RPRD1B: variants seen among roughly 807,000 people sequenced by gnomAD.
RPRD1B encodes regulation of nuclear pre-mRNA domain-containing protein 1B.
In RPRD1B, 11 loss-of-function variants were observed where a neutral mutation model predicts 41.5. That is an observed-to-expected ratio of 0.27 (90% confidence interval 0.17 to 0.44). The LOEUF is 0.44. Among genes scored for constraint, RPRD1B ranks in the 20% least tolerant of loss-of-function variants. The probability of loss-of-function intolerance (pLI) is 1.00; values close to 1 mark genes in which losing one functional copy is unlikely to be tolerated. For missense variants in RPRD1B, 248 were observed against 389.9 expected (o/e 0.64, Z 3.06); for synonymous variants, 158 against 155.6 (o/e 1.02, Z -0.12).
At chr20:38,044,963 A>G (rs2074106652) in intron 2 of RPRD1B, among the ~76,000 whole-genome samples, 1 of 152,208 alleles carries the variant, frequency 6.6e-6, no homozygotes, top group African/African-American at 2.4e-5. Flanking sequence ...GTACTGAAAA[A>G]GTGCCATAGA....
intron 6 of RPRD1B, among the ~76,000 whole-genome samples, chr20:38,088,821 A>G (rs1175086156): frequency 6.6e-6 from 1 of 152,184 alleles, no homozygotes; most frequent in Non-Finnish European, 1.5e-5. Flanking sequence ...GAGCAGGAGG[A>G]GATGCGGAGT....
intron 3 of RPRD1B, among the ~76,000 whole-genome samples, chr20:38,052,282 G>A (rs79894904): frequency 0.013 from 1,940 of 152,270 alleles, 40 homozygotes; most frequent in African/African-American, 0.044. Context: ...TGAACTGGTC[G>A]CAAAAGTAAG....
In RPRD1B at chr20:38,091,723, G is replaced by T. The variant is rs1004047763; in HGVS notation, c.*1848G>T. The T allele has an allele frequency of 1.0e-6, 1 of 985,662 alleles. No homozygotes were observed. The highest frequency in any genetic ancestry group is 1.2e-6 in the Non-Finnish European group (1 of 829,930). 61.1% of individuals were successfully genotyped at this position (985,662 alleles called of 1,614,324 possible). On this transcript the variant is annotated 3_prime_UTR_variant, in exon 7 of 7. Coordinates refer to ENST00000373433, the MANE Select transcript of RPRD1B (RefSeq NM_021215.4). The stretch of plus-strand genomic sequence containing the variant: ...CTCTATGCTTTCACCAAGGAAGTGC[G>T]ATCTGAGCAGCCACAATCCAGCCAA...
Position 38,078,566 on chromosome 20 carries a change from G to A in RPRD1B, c.832-11160G>A, listed in dbSNP as rs143609180. Among the ~76,000 whole-genome samples, 1,267 of 151,894 alleles carry A rather than the reference G, an allele frequency of 8.3e-3. 11 individuals are homozygous for A. Among genetic ancestry groups the A allele is most frequent in the African/African-American group, 0.025 (1,039 of 41,404 alleles). On this transcript the variant is annotated intron_variant, in intron 6 of 6. Coordinates refer to ENST00000373433, the MANE Select transcript of RPRD1B (RefSeq NM_021215.4). ...TTGTGGATTATTGCCAGACCATAAA[G>A]TTCTGTCTGTATTGTCACTCAGGCA...
At chr20:38,060,752 A>C (rs1169918161) in intron 5 of RPRD1B, among the ~76,000 whole-genome samples, 1 of 151,934 alleles carries the variant, frequency 6.6e-6, no homozygotes, top group Non-Finnish European at 1.5e-5. Context: ...CACCCCAGGA[A>C]TTCACCCCAC....
Position 38,034,104 on chromosome 20 carries a change from C to A in RPRD1B, c.151+6C>A. On this transcript the variant is annotated splice_donor_region_variant and intron_variant, in intron 1 of 6. Transcript: ENST00000373433. ...GCACCGCGAGCTCCGCAAAGGTAAA[C>A]ACCAAATCCCCACCCCCTGGACGGT... 6.2e-7 allele frequency: 1 copy of A among 1,611,642 alleles called. No homozygotes were observed. The highest frequency in any genetic ancestry group is 1.1e-5 in the South Asian group (1 of 90,720).
At chr20:38,074,573 G>C (rs1193165128) in intron 6 of RPRD1B, among the ~76,000 whole-genome samples, 2 of 152,174 alleles carry the variant, frequency 1.3e-5, no homozygotes, top group African/African-American at 2.4e-5. Context: ...ACTTCTGTGG[G>C]CAGTGTAACC....
Position 38,090,044 on chromosome 20 carries a change from C to A in RPRD1B, c.*169C>A, listed in dbSNP as rs995229434. The A allele has an allele frequency of 6.3e-6, 9 of 1,424,078 alleles. No homozygotes were observed. In the African/African-American group the frequency reaches 1.3e-4, roughly 20 times the overall value. 88.2% of individuals were successfully genotyped at this position (1,424,078 alleles called of 1,614,324 possible). On this transcript the variant is annotated 3_prime_UTR_variant, in exon 7 of 7. Transcript: ENST00000373433. ...CTCCTCTTCAGCCTCTCATCTTGAG[C>A]ACAGTTCAGAACAGTGGCGACTGGA... is the stretch of plus-strand genomic sequence containing the variant.
At chr20:38,048,568 A>T in intron 3 of RPRD1B, 87 bp downstream of exon 3, 1 of 1,500,772 alleles carries the variant, frequency 6.7e-7, no homozygotes, top group East Asian at 2.3e-5. Flanking sequence ...TTTGCTGTGA[A>T]CCACCAGCGA....
chr20:38,091,566 A>G lies in RPRD1B; in HGVS notation c.*1691A>G, dbSNP rs948273161. 1 of 985,374 alleles carries G rather than the reference A, an allele frequency of 1.0e-6. No individual in the cohort carries two copies. The highest frequency in any genetic ancestry group is 1.2e-6 in the Non-Finnish European group (1 of 829,954). The allele number at this position is 985,374 out of a possible 1,614,324, so 61.0% of individuals were successfully genotyped here. A position where few individuals can be genotyped will look rare whatever the true frequency, so the allele number is the denominator to read the frequency against. The stretch of plus-strand genomic sequence containing the variant: ...CTATAAGGTTTTTCTTCCAGAGGCC[A>G]TAGGTGACATCACTAAAATTGCAAG... On this transcript the variant is annotated 3_prime_UTR_variant, in exon 7 of 7. Transcript: ENST00000373433.
chr20:38,062,588 G>A (rs1053672842), intron 5 of RPRD1B, among the ~76,000 whole-genome samples: 9 of 152,226 alleles, frequency 5.9e-5, no homozygotes, highest in East Asian at 5.8e-4. Context: ...ACCAAAACCA[G>A]CATCTGATAT....
At chr20:38,037,053 T>C (rs1244367901) in intron 1 of RPRD1B, among the ~76,000 whole-genome samples, 5 of 152,238 alleles carry the variant, frequency 3.3e-5, no homozygotes, top group Non-Finnish European at 7.3e-5. Flanking sequence ...TCAGATTGAT[T>C]AGCCCTGTAG....
Position 38,033,875 on chromosome 20 carries a change from G to A in RPRD1B, c.-73G>A. On this transcript the variant is annotated 5_prime_UTR_variant, in exon 1 of 7. Coordinates refer to ENST00000373433, the MANE Select transcript of RPRD1B (RefSeq NM_021215.4). The stretch of plus-strand genomic sequence containing the variant: ...CCGCAGCCTGTCAGGTGAGGCCCCG[G>A]CCTCGTGCCGTCGCTCTTCCCGCCG... The A allele has an allele frequency of 1.4e-6, 2 of 1,459,412 alleles. No homozygotes were observed. Among genetic ancestry groups the A allele is most frequent in the Non-Finnish European group, 1.8e-6 (2 of 1,085,490 alleles). The allele number at this position is 1,459,412 out of a possible 1,614,324, so 90.4% of individuals were successfully genotyped here. A position where few individuals can be genotyped will look rare whatever the true frequency, so the allele number is the denominator to read the frequency against.
At chr20:38,073,401 T>A (rs1372584568) in intron 6 of RPRD1B, among the ~76,000 whole-genome samples, 5 of 152,166 alleles carry the variant, frequency 3.3e-5, no homozygotes, top group African/African-American at 1.2e-4. Context: ...TAATGACTAC[T>A]CAGGAGTAGA....
At chr20:38,062,426 A>G (rs963461285) in intron 5 of RPRD1B, among the ~76,000 whole-genome samples, 1 of 151,728 alleles carries the variant, frequency 6.6e-6, no homozygotes, top group Non-Finnish European at 1.5e-5. Flanking sequence ...CATATATCCA[A>G]CCTCCTACTC....
At chr20:38,061,047 G>A (rs553537325) in intron 5 of RPRD1B, among the ~76,000 whole-genome samples, 1 of 152,348 alleles carries the variant, frequency 6.6e-6, no homozygotes, top group Non-Finnish European at 1.5e-5. Flanking sequence ...AGCCATGTAT[G>A]TAATTTTGTT....
chr20:38,070,559 C>T (rs751601856), intron 6 of RPRD1B: 23 of 985,224 alleles, frequency 2.3e-5, no homozygotes, highest in South Asian at 1.4e-4. Context: ...TAAGACATAG[C>T]GTGAGTGGGT....
chr20:38,074,334 G>GGT (rs1399293815), intron 6 of RPRD1B, among the ~76,000 whole-genome samples: 2 of 151,882 alleles, frequency 1.3e-5, no homozygotes, highest in African/African-American at 2.4e-5. Flanking sequence ...TTATCTGTTG[G>GGT]GTGTGTGTGT....
intron 2 of RPRD1B, among the ~76,000 whole-genome samples, chr20:38,047,543 A>T (rs910827692): frequency 6.6e-6 from 1 of 152,114 alleles, no homozygotes; most frequent in Non-Finnish European, 1.5e-5. Context: ...AGAAGATTTC[A>T]TGGTAACAGT....
Sources: gnomAD v4.1 joint callset for allele counts (sites outside exome capture counted in the v4.1 genomes callset) on GRCh38, gnomAD v4.1.1 for gene constraint, MANE v1.5 for transcripts, NCBI Gene and HGNC (gene_info 2026-07-23, HGNC 2026-07-21) for gene names.